RTN4R: variants seen among roughly 807,000 people sequenced by gnomAD.
The protein encoded by RTN4R is reticulon 4 receptor, also known as reticulon-4 receptor.
Under a neutral mutation model 27.7 loss-of-function variants are expected in RTN4R, and 4 were observed. The ratio of observed to expected loss-of-function variants is 0.14; its 90% CI spans 0.07 to 0.33. The LOEUF (loss-of-function observed/expected upper bound fraction) is 0.33. Ranked by LOEUF, RTN4R falls within the 10% of genes least tolerant of loss-of-function variation. RTN4R has a pLI of 1.00. For missense variants in RTN4R, 554 were observed against 671.5 expected (o/e 0.83, Z 1.93); for synonymous variants, 290 against 305.6 (o/e 0.95, Z 0.53).
intron 1 of RTN4R, among the ~76,000 whole-genome samples, chr22:20,264,939 C>A (rs1267874846): frequency 6.6e-6 from 1 of 152,200 alleles, no homozygotes; most frequent in Admixed American, 6.5e-5. Flanking sequence ...GGGCGGGGCG[C>A]CTGGCTCACA....
intron 1 of RTN4R, among the ~76,000 whole-genome samples, chr22:20,259,750 G>T (rs1421652503): frequency 6.6e-6 from 1 of 152,170 alleles, no homozygotes; most frequent in Non-Finnish European, 1.5e-5. Context: ...TTCATGAGCG[G>T]TCAATGTGGG....
intron 1 of RTN4R, among the ~76,000 whole-genome samples, chr22:20,251,048 C>T (rs919598668): frequency 4.6e-5 from 7 of 152,304 alleles, no homozygotes; most frequent in African/African-American, 1.7e-4. Flanking sequence ...TCTCTGGGGA[C>T]AGGGCCCCTC....
At chr22:20,265,401 G>T (rs542322997) in intron 1 of RTN4R, among the ~76,000 whole-genome samples, 4 of 152,334 alleles carry the variant, frequency 2.6e-5, no homozygotes, top group African/African-American at 9.6e-5. Flanking sequence ...CCCTGTAGGG[G>T]TGTCCTCCAT....
At chr22:20,244,915 T>C (rs2051131006) in intron 1 of RTN4R, among the ~76,000 whole-genome samples, 1 of 152,040 alleles carries the variant, frequency 6.6e-6, no homozygotes, top group Non-Finnish European at 1.5e-5. Flanking sequence ...CCACCAAGAC[T>C]AGCCACCCAT....
Position 20,243,018 on chromosome 22 carries a change from C to T in RTN4R, c.115G>A (p.Val39Met), listed in dbSNP as rs2051118781. ...GACVCYNEPK[V>M]TTSCPQQGLQ... Reference sequence around the variant, plus strand: ...CCCTGCTGGGGGCAGCTTGTCGTCACCTTGGGCTCATTGTAGCATACGCAG... The same window carrying T: ...CCCTGCTGGGGGCAGCTTGTCGTCATCTTGGGCTCATTGTAGCATACGCAG... Residue 39 changes from valine to methionine, a missense_variant, in exon 2 of 2, where the codon GTG becomes ATG. Transcript: ENST00000043402. The T allele has an allele frequency of 6.2e-7, 1 of 1,607,162 alleles. No homozygotes were observed. Among genetic ancestry groups the T allele is most frequent in the East Asian group, 2.2e-5 (1 of 44,888 alleles).
chr22:20,241,945 A>G lies in RTN4R; in HGVS notation c.1188T>C (p.Thr396=), dbSNP rs747220602. Residue 396 remains threonine (T), a synonymous_variant, in exon 2 of 2, where the codon ACT becomes ACC. Transcript: ENST00000043402. Reference sequence around the variant, plus strand: ...GCTCGGAGCCCTCGGGCCGCACTGCAGTGAGCGGGGGCTCAGCAGAGCCAG... The same window carrying G: ...GCTCGGAGCCCTCGGGCCGCACTGCGGTGAGCGGGGGCTCAGCAGAGCCAG... The part of the protein sequence containing the change: ...TLPGSAEPPL[T]AVRPEGSEPP... 2 of 1,608,624 alleles carry G rather than the reference A, an allele frequency of 1.2e-6. No individual in the cohort carries two copies. Among genetic ancestry groups the G allele is most frequent in the Non-Finnish European group, 1.7e-6 (2 of 1,179,404 alleles).
chr22:20,260,316 G>A (rs2145983403), intron 1 of RTN4R, among the ~76,000 whole-genome samples: 1 of 152,274 alleles, frequency 6.6e-6, no homozygotes, highest in South Asian at 2.1e-4. Context: ...GGCAGGGCGT[G>A]ACCGGCCAGC....
chr22:20,242,298 G>A lies in RTN4R; in HGVS notation c.835C>T (p.Arg279Cys), dbSNP rs1169647613. 5.6e-6 allele frequency: 9 copies of A among 1,605,188 alleles called. No homozygotes were observed. Among genetic ancestry groups the A allele is most frequent in the Non-Finnish European group, 5.1e-6 (6 of 1,177,002 alleles). Residue 279 changes from arginine to cysteine, a missense_variant, in exon 2 of 2, where the codon CGC (arginine) becomes TGC (cysteine). Physicochemically the swap from Arg to Cys is radical, Grantham distance 180. Transcript: ENST00000043402. Reference protein sequence around the residue: ...RPLWAWLQKFRGSSSEVPCSL... With the variant: ...RPLWAWLQKFCGSSSEVPCSL... ...CAGGGCACCTCGGAGGAGGAGCCGC[G>A]GAACTTCTGCAGCCAGGCCCAGAGT...
At chr22:20,267,735 C>A (rs1332376074) in intron 1 of RTN4R, 1 of 421,862 alleles carries the variant, frequency 2.4e-6, no homozygotes, top group Non-Finnish European at 4.8e-6. Context: ...GTGGCCGGGG[C>A]GCTCCGAGGC....
chr22:20,247,658 T>C (rs1419779100), intron 1 of RTN4R, among the ~76,000 whole-genome samples: 4 of 152,138 alleles, frequency 2.6e-5, no homozygotes, highest in African/African-American at 4.8e-5. Context: ...GGGGGCAGTC[T>C]GCCCTTGAGG....
In RTN4R at chr22:20,255,962, G is replaced by A. The variant is rs552877395; in HGVS notation, c.22+12109C>T. ...TAAGTAATTGCTCTTTTATTAACAAGTGATAAATTATTCCTATATGATTGT... is the reference window on the plus strand; with the variant it reads ...TAAGTAATTGCTCTTTTATTAACAAATGATAAATTATTCCTATATGATTGT... On this transcript the variant is annotated intron_variant, in intron 1 of 1. Transcript: ENST00000043402. The surrounding 1 kb of genome is among the most constrained non-coding windows in gnomAD (Gnocchi z 4.8). 1.3e-5 allele frequency among the ~76,000 whole-genome samples: 2 copies of A among 152,380 alleles called. No individual in the cohort carries two copies. Among genetic ancestry groups the A allele is most frequent in the African/African-American group, 4.8e-5 (2 of 41,592 alleles).
intron 1 of RTN4R, among the ~76,000 whole-genome samples, chr22:20,251,124 T>C (rs2145977356): frequency 6.6e-6 from 1 of 152,218 alleles, no homozygotes; most frequent in East Asian, 1.9e-4. Context: ...GCACCTTGTA[T>C]CAGGGACTCT....
intron 1 of RTN4R, among the ~76,000 whole-genome samples, chr22:20,267,375 G>A (rs1176806731): frequency 5.3e-5 from 8 of 152,208 alleles, no homozygotes; most frequent in Middle Eastern, 3.2e-3. Context: ...CCCGCACCGC[G>A]GGACCTCACA....
At chr22:20,266,782 G>T (rs2051279699) in intron 1 of RTN4R, among the ~76,000 whole-genome samples, 1 of 152,224 alleles carries the variant, frequency 6.6e-6, no homozygotes, top group African/African-American at 2.4e-5. Context: ...AGGCACACAA[G>T]GGGCACCCAC....
At chr22:20,254,429 A>G (rs941866475) in intron 1 of RTN4R, among the ~76,000 whole-genome samples, 10 of 149,906 alleles carry the variant, frequency 6.7e-5, no homozygotes, top group Non-Finnish European at 1.5e-4. Flanking sequence ...ACTTTCTCCA[A>G]AAAAACACAC....
chr22:20,266,663 A>G (rs1056011170), intron 1 of RTN4R, among the ~76,000 whole-genome samples: 12 of 152,218 alleles, frequency 7.9e-5, no homozygotes, highest in South Asian at 2.1e-4. Flanking sequence ...CCTGGTGGGT[A>G]GGGAGTGGCT....
At chr22:20,254,261 T>A (rs1269438862) in intron 1 of RTN4R, among the ~76,000 whole-genome samples, 1 of 151,622 alleles carries the variant, frequency 6.6e-6, no homozygotes, top group East Asian at 1.9e-4. Context: ...AGACCCTGTC[T>A]CTACAAAAAA....
intron 1 of RTN4R, chr22:20,243,374 G>A (rs1437917972): frequency 7.2e-6 from 5 of 693,504 alleles, no homozygotes; most frequent in Admixed American, 6.1e-5. Flanking sequence ...CCACACCCAG[G>A]AGCAGCCCAC....
intron 1 of RTN4R, among the ~76,000 whole-genome samples, chr22:20,260,450 G>A (rs2051238636): frequency 6.6e-6 from 1 of 152,168 alleles, no homozygotes; most frequent in African/African-American, 2.4e-5. Flanking sequence ...CACCAGGGCT[G>A]ACTCCCAGGT....
Sources: allele counts gnomAD v4.1 joint callset (sites outside exome capture counted in the v4.1 genomes callset), GRCh38; gene constraint gnomAD v4.1.1; non-coding constraint Gnocchi (gnomAD v3.1); transcripts MANE v1.5; gene names NCBI Gene and HGNC (gene_info 2026-07-23, HGNC 2026-07-21).